The following GALNTL6 variants were observed in gnomAD, a reference collection of about 807,000 sequenced individuals.
GALNTL6 encodes polypeptide N-acetylgalactosaminyltransferase-like 6.
In GALNTL6, 46 loss-of-function variants were observed where a neutral mutation model predicts 73.7. That is an observed-to-expected ratio of 0.62 (90% CI 0.49 to 0.80). The LOEUF (loss-of-function observed/expected upper bound fraction) is 0.80, where lower values mean the gene tolerates loss of function less well. Ranked by LOEUF, GALNTL6 falls within the 30% of genes least tolerant of loss-of-function variation. The pLI is 0.00. For missense variants in GALNTL6, 604 were observed against 755.0 expected, an observed-to-expected ratio of 0.80 and a Z score of 2.34; for synonymous variants, 259 against 263.7, an observed-to-expected ratio of 0.98 and a Z score of 0.17.
chr4:171,857,936 G>A (rs1299163153), intron 2 of GALNTL6, among the ~76,000 whole-genome samples: 1 of 152,142 alleles, frequency 6.6e-6, no homozygotes, highest in Non-Finnish European at 1.5e-5. Context: ...CATAGCTCAG[G>A]CTAATGTTTT....
intron 2 of GALNTL6, chr4:171,815,923 G>C (rs1334920800): frequency 1.3e-5 from 2 of 152,040 alleles, no homozygotes; most frequent in African/African-American, 2.4e-5. Flanking sequence ...ATTTTTAGTG[G>C]ATTGTTATTT....
intron 7 of GALNTL6, among the ~76,000 whole-genome samples, chr4:172,850,730 A>G (rs1743769302): frequency 6.6e-6 from 1 of 152,170 alleles, no homozygotes; most frequent in African/African-American, 2.4e-5. Context: ...CTAGCCAGCA[A>G]TAAGTTGAGA....
chr4:172,158,041 A>G (rs1017290926), intron 2 of GALNTL6, among the ~76,000 whole-genome samples: 2 of 152,198 alleles, frequency 1.3e-5, no homozygotes. Context: ...TGGCAACCTC[A>G]GGTTCATCTA....
In GALNTL6 at chr4:171,983,898, A is replaced by G. The variant is rs139898236; in HGVS notation, c.138+169180A>G. ...GGAGTAGGGAAGTGGAGAAGGAGGAAAGGAAGTATACATATGCATTTCACT... is the reference window on the plus strand; with the variant it reads ...GGAGTAGGGAAGTGGAGAAGGAGGAGAGGAAGTATACATATGCATTTCACT... On this transcript the variant is annotated intron_variant, in intron 2 of 12. Transcript: ENST00000506823. Among the ~76,000 whole-genome samples the G allele has an allele frequency of 2.5e-3, 387 of 152,206 alleles. 2 individuals are homozygous for G. Among genetic ancestry groups the G allele is most frequent in the African/African-American group, 8.6e-3 (358 of 41,522 alleles).
intron 5 of GALNTL6, among the ~76,000 whole-genome samples, chr4:172,726,417 C>A (rs1213236510): frequency 6.6e-6 from 1 of 152,160 alleles, no homozygotes; most frequent in Non-Finnish European, 1.5e-5. Flanking sequence ...TTCCCACATT[C>A]CTTTGTACTT....
At chr4:172,499,464 C>T (rs952038350) in intron 5 of GALNTL6, among the ~76,000 whole-genome samples, 3 of 152,216 alleles carry the variant, frequency 2.0e-5, no homozygotes, top group Non-Finnish European at 2.9e-5. Flanking sequence ...GTTACTTAAG[C>T]TACACAGTCT....
chr4:172,065,969 G>A (rs1033523426), intron 2 of GALNTL6, among the ~76,000 whole-genome samples: 1 of 152,122 alleles, frequency 6.6e-6, no homozygotes, highest in Admixed American at 6.6e-5. Context: ...GACATGTGAG[G>A]ATTATCACAA....
At chr4:172,609,419 G>C (rs773635572) in intron 5 of GALNTL6, among the ~76,000 whole-genome samples, 3 of 152,082 alleles carry the variant, frequency 2.0e-5, no homozygotes, top group Non-Finnish European at 2.9e-5. Context: ...TTTGGTTTTA[G>C]TTTTGTTTAT....
intron 5 of GALNTL6, among the ~76,000 whole-genome samples, chr4:172,387,019 C>T (rs1743496442): frequency 6.6e-6 from 1 of 152,114 alleles, no homozygotes; most frequent in Non-Finnish European, 1.5e-5. Flanking sequence ...TAATATTTTA[C>T]CAGCTATCTG....
intron 2 of GALNTL6, among the ~76,000 whole-genome samples, chr4:172,213,708 T>A (rs1736403664): frequency 6.6e-6 from 1 of 152,198 alleles, no homozygotes; most frequent in Admixed American, 6.5e-5. Flanking sequence ...TATCTCAGTC[T>A]GTAGCTTTCC....
intron 3 of GALNTL6, among the ~76,000 whole-genome samples, chr4:172,258,485 A>G (rs1369291028): frequency 6.6e-6 from 1 of 151,298 alleles, no homozygotes; most frequent in Non-Finnish European, 1.5e-5. Flanking sequence ...AAGCCCTCCT[A>G]CATCATCACT....
chr4:172,117,416 C>G (rs1387837159), intron 2 of GALNTL6, among the ~76,000 whole-genome samples: 1 of 152,114 alleles, frequency 6.6e-6, no homozygotes, highest in Non-Finnish European at 1.5e-5. Flanking sequence ...CTTATAAAGG[C>G]TTTATGTGTA....
At chr4:172,854,647 T>C (rs1429369329) in intron 7 of GALNTL6, among the ~76,000 whole-genome samples, 1 of 152,136 alleles carries the variant, frequency 6.6e-6, no homozygotes, top group African/African-American at 2.4e-5. Flanking sequence ...CTATATCCAA[T>C]TGTAAAAAAA....
intron 2 of GALNTL6, among the ~76,000 whole-genome samples, chr4:172,004,880 A>G (rs1740787651): frequency 6.6e-6 from 1 of 151,614 alleles, no homozygotes; most frequent in Non-Finnish European, 1.5e-5. Flanking sequence ...TAATTTACTT[A>G]GTATTTTCTT....
In GALNTL6 at chr4:172,391,932, A is replaced by G. The variant is rs141744129; in HGVS notation, c.553+43243A>G. ...CCAATATCGATTGAAAGGACACACTAATGAGAAAAATAAACTAAGATAATG... is the reference window on the plus strand; with the variant it reads ...CCAATATCGATTGAAAGGACACACTGATGAGAAAAATAAACTAAGATAATG... On this transcript the variant is annotated intron_variant, in intron 5 of 12. Coordinates refer to ENST00000506823, the MANE Select transcript of GALNTL6 (RefSeq NM_001034845.3). Among the ~76,000 whole-genome samples, 5 of 152,314 alleles carry G rather than the reference A, an allele frequency of 3.3e-5. No homozygotes were observed. The East Asian group carries it at 9.7e-4, about 29-fold the overall frequency.
At chr4:172,802,975 C>G (rs1302203484) in intron 5 of GALNTL6, among the ~76,000 whole-genome samples, 2 of 152,198 alleles carry the variant, frequency 1.3e-5, no homozygotes, top group Non-Finnish European at 2.9e-5. Context: ...TGCACACTGA[C>G]ATGTAGACAT....
At position 172,882,452 on chromosome 4, in the gene GALNTL6, GTGA is replaced by G. The variant is rs370007342; in HGVS notation, c.924-336_924-334del. On this transcript the variant is annotated intron_variant, in intron 7 of 12. Coordinates refer to ENST00000506823, the MANE Select transcript of GALNTL6 (RefSeq NM_001034845.3). ...GTTTCAGGAAAAACCATAAAATTGA[GTGA>G]TATTTCTCACTTTATGGGTCATTAT... Among the ~76,000 whole-genome samples the G allele has an allele frequency of 5.2e-3, 797 of 152,254 alleles. 7 individuals carry two copies. Among genetic ancestry groups the G allele is most frequent in the African/African-American group, 0.018 (744 of 41,544 alleles).
intron 7 of GALNTL6, among the ~76,000 whole-genome samples, chr4:172,851,046 C>T (rs1247241880): frequency 6.6e-6 from 1 of 152,028 alleles, no homozygotes; most frequent in Non-Finnish European, 1.5e-5. Context: ...AACTCAATTT[C>T]CAGCCCCCCT....
chr4:172,998,334 C>G (rs1286852762), intron 10 of GALNTL6, among the ~76,000 whole-genome samples: 1 of 152,178 alleles, frequency 6.6e-6, no homozygotes, highest in South Asian at 2.1e-4. Flanking sequence ...TAGTATGTTG[C>G]ATTTATATGC....
Sources: gnomAD v4.1 joint callset for allele counts (sites outside exome capture counted in the v4.1 genomes callset) on GRCh38, gnomAD v4.1.1 for gene constraint, MANE v1.5 for transcripts, NCBI Gene and HGNC (gene_info 2026-07-23, HGNC 2026-07-21) for gene names.